The following KCNN2 variants were observed in gnomAD, a reference collection of about 807,000 sequenced individuals.
KCNN2 encodes small conductance calcium-activated potassium channel protein 2.
A neutral mutation model predicts 55.5 loss-of-function variants in KCNN2; 24 were observed. The observed-to-expected ratio is 0.43, with a 90% CI of 0.31 to 0.61. KCNN2 has a LOEUF of 0.61. KCNN2 is among the 20% of genes least tolerant of loss of function. KCNN2 has a pLI of 0.08. For missense variants in KCNN2, 754 were observed against 853.6 expected (o/e 0.88, Z 1.45); for synonymous variants, 431 against 336.1 (o/e 1.28, Z -3.09).
At chr5:114,095,003 A>G (rs1221616366) in intron 1 of KCNN2, among the ~76,000 whole-genome samples, 4 of 152,052 alleles carry the variant, frequency 2.6e-5, no homozygotes, top group East Asian at 1.9e-4. Flanking sequence ...TGCTTTAAAT[A>G]TTGTCTTATT....
At chr5:114,294,140 A>T (rs6594819) in intron 2 of KCNN2, among the ~76,000 whole-genome samples, 2 of 152,048 alleles carry the variant, frequency 1.3e-5, no homozygotes, top group Non-Finnish European at 2.9e-5. Flanking sequence ...TTTCAAAAAA[A>T]CAGCTCCTGG....
At chr5:114,114,979 T>C (rs773292531) in intron 1 of KCNN2, among the ~76,000 whole-genome samples, 1 of 152,156 alleles carries the variant, frequency 6.6e-6, no homozygotes, top group Non-Finnish European at 1.5e-5. Context: ...CTTCACAATA[T>C]TAGTTGGTGG....
At chr5:114,230,234 C>T (rs1389290653) in intron 2 of KCNN2, among the ~76,000 whole-genome samples, 1 of 150,104 alleles carries the variant, frequency 6.7e-6, no homozygotes, top group Admixed American at 6.6e-5. Flanking sequence ...TTCTGAGATA[C>T]TGACAATGAT....
At chr5:114,174,182 C>T (rs1160887171) in intron 1 of KCNN2, among the ~76,000 whole-genome samples, 1 of 152,016 alleles carries the variant, frequency 6.6e-6, no homozygotes, top group Non-Finnish European at 1.5e-5. Flanking sequence ...ATTTAGAAAA[C>T]CCAAGGACAG....
intron 2 of KCNN2, among the ~76,000 whole-genome samples, chr5:114,382,222 C>A (rs1758146275): frequency 6.6e-6 from 1 of 152,160 alleles, no homozygotes; most frequent in Non-Finnish European, 1.5e-5. Context: ...CAATCCTTGC[C>A]TTCAAGAGCT....
intron 2 of KCNN2, among the ~76,000 whole-genome samples, chr5:114,314,630 A>G (rs1036768439): frequency 9.2e-5 from 14 of 152,046 alleles, no homozygotes; most frequent in African/African-American, 2.7e-4. Context: ...CATTTTCCTC[A>G]CTGAACTAGC....
At chr5:114,205,681 C>T (rs1396868242) in intron 1 of KCNN2, among the ~76,000 whole-genome samples, 1 of 152,176 alleles carries the variant, frequency 6.6e-6, no homozygotes, top group Non-Finnish European at 1.5e-5. Context: ...CCTTCGGGAG[C>T]TTATTTAAAC....
chr5:114,447,007 G>A (rs1052799410), intron 3 of KCNN2, among the ~76,000 whole-genome samples: 3 of 152,144 alleles, frequency 2.0e-5, no homozygotes, highest in African/African-American at 4.8e-5. Context: ...AGACACATGT[G>A]GCTAGTGGCC....
At chr5:114,265,319 G>T (rs1755187177) in intron 2 of KCNN2, among the ~76,000 whole-genome samples, 1 of 145,616 alleles carries the variant, frequency 6.9e-6, no homozygotes, top group African/African-American at 2.6e-5. Flanking sequence ...GAACCATCAA[G>T]AGGAGGTGTG....
intron 2 of KCNN2, among the ~76,000 whole-genome samples, chr5:114,238,397 G>C (rs184891707): frequency 6.6e-6 from 1 of 152,114 alleles, no homozygotes; most frequent in East Asian, 1.9e-4. Flanking sequence ...AGGCCGAGGC[G>C]GGTGGATTGT....
intron 2 of KCNN2, among the ~76,000 whole-genome samples, chr5:114,403,730 C>T (rs867730632): frequency 1.3e-5 from 2 of 152,038 alleles, no homozygotes; most frequent in Non-Finnish European, 2.9e-5. Context: ...GTTTTTTCTT[C>T]TTAAAAAATT....
intron 6 of KCNN2, among the ~76,000 whole-genome samples, chr5:114,491,869 T>TG (rs1364763345): frequency 6.6e-6 from 1 of 151,904 alleles, no homozygotes; most frequent in Non-Finnish European, 1.5e-5. Flanking sequence ...GGGTGTAGGG[T>TG]GGGGGCAGTT....
At chr5:114,293,253 C>G (rs1456006979) in intron 2 of KCNN2, among the ~76,000 whole-genome samples, 1 of 152,158 alleles carries the variant, frequency 6.6e-6, no homozygotes, top group African/African-American at 2.4e-5. Flanking sequence ...TGAGAGAGGG[C>G]ATCCCTGTCT....
At chr5:114,389,210 T>C (rs556597008) in intron 2 of KCNN2, among the ~76,000 whole-genome samples, 2 of 152,236 alleles carry the variant, frequency 1.3e-5, no homozygotes, top group African/African-American at 4.8e-5. Flanking sequence ...TTTTCCCCAT[T>C]GTATATGTTC....
At chr5:114,077,466 A>G (rs1750706391) in intron 1 of KCNN2, among the ~76,000 whole-genome samples, 1 of 152,192 alleles carries the variant, frequency 6.6e-6, no homozygotes, top group Admixed American at 6.5e-5. Flanking sequence ...AGGATATGGG[A>G]CACCTGACAA....
intron 1 of KCNN2, among the ~76,000 whole-genome samples, chr5:114,175,434 G>T (rs772849006): frequency 6.6e-6 from 1 of 152,078 alleles, no homozygotes. Context: ...TGTGCATCAG[G>T]TGTACATGTC....
At chr5:114,349,026 A>G (rs1042488798) in intron 2 of KCNN2, among the ~76,000 whole-genome samples, 2 of 152,132 alleles carry the variant, frequency 1.3e-5, no homozygotes, top group Non-Finnish European at 2.9e-5. Context: ...TGATCATACC[A>G]AGAAGAAACA....
At chr5:114,277,147 G>A (rs953968254) in intron 2 of KCNN2, among the ~76,000 whole-genome samples, 1 of 152,144 alleles carries the variant, frequency 6.6e-6, no homozygotes, top group Non-Finnish European at 1.5e-5. Context: ...TTTTCTATGA[G>A]ATTGTTGAAT....
At position 114,420,404 on chromosome 5, in the gene KCNN2, T is replaced by C. The variant is rs150042118; in HGVS notation, c.1637+15548T>C. On this transcript the variant is annotated intron_variant, in intron 3 of 7. Coordinates refer to ENST00000673685, the MANE Select transcript of KCNN2 (RefSeq NM_021614.4). The stretch of plus-strand genomic sequence containing the variant: ...TTAGTGGAGTACTGTAATGAAATAC[T>C]GTGATTGTCTTTGTCCCCTGGTCTC... Among the ~76,000 whole-genome samples, 918 of 152,350 alleles carry C rather than the reference T, an allele frequency of 6.0e-3. 5 individuals carry two copies. Among genetic ancestry groups the C allele is most frequent in the Middle Eastern group, 0.027 (8 of 294 alleles).
Sources: allele counts gnomAD v4.1 joint callset (sites outside exome capture counted in the v4.1 genomes callset), GRCh38; gene constraint gnomAD v4.1.1; transcripts MANE v1.5; gene names NCBI Gene and HGNC (gene_info 2026-07-23, HGNC 2026-07-21).